Variants in FER1L6 observed in about 807,000 individuals in gnomAD.
FER1L6 encodes the protein fer-1 like family member 6.
A neutral mutation model predicts 219.2 loss-of-function variants in FER1L6; 177 were observed. The ratio of observed to expected loss-of-function variants is 0.81; its 90% CI spans 0.71 to 0.91. The LOEUF (loss-of-function observed/expected upper bound fraction) is 0.91, where lower values mean the gene tolerates loss of function less well. Among genes scored for constraint, FER1L6 ranks in the 40% least tolerant of loss-of-function variants. The pLI is 0.00. For synonymous variants in FER1L6, 768 were observed against 824.3 expected (o/e 0.93, Z 1.17); for missense variants, 2,153 against 2,259.9 (o/e 0.95, Z 0.96).
At chr8:124,002,303 G>A (rs1817447077) in intron 12 of FER1L6, among the ~76,000 whole-genome samples, 1 of 152,204 alleles carries the variant, frequency 6.6e-6, no homozygotes, top group Non-Finnish European at 1.5e-5. Flanking sequence ...CACCACCAAT[G>A]ACTATTGCAG....
chr8:123,912,872 C>T (rs1427351924), intron 1 of FER1L6, among the ~76,000 whole-genome samples: 2 of 152,186 alleles, frequency 1.3e-5, no homozygotes, highest in African/African-American at 4.8e-5. Context: ...GTAAACTTTT[C>T]TGCCAACCAA....
intron 39 of FER1L6, among the ~76,000 whole-genome samples, chr8:124,110,610 C>A (rs192709664): frequency 1.2e-4 from 18 of 152,114 alleles, no homozygotes; most frequent in African/African-American, 4.3e-4. Flanking sequence ...AAAAGCAACC[C>A]GTTAAGAGAT....
intron 1 of FER1L6, among the ~76,000 whole-genome samples, chr8:123,951,566 C>T (rs1307081856): frequency 6.6e-6 from 1 of 152,140 alleles, no homozygotes; most frequent in Non-Finnish European, 1.5e-5. Context: ...GAAGATATTT[C>T]CCGTCAGGCT....
intron 39 of FER1L6, among the ~76,000 whole-genome samples, chr8:124,113,023 T>G (rs544918602): frequency 1.3e-5 from 2 of 152,320 alleles, no homozygotes; most frequent in South Asian, 4.1e-4. Flanking sequence ...TTTAGTTCCC[T>G]TTACATAATA....
At chr8:124,082,667 G>A (rs1821611162) in intron 33 of FER1L6, among the ~76,000 whole-genome samples, 2 of 152,184 alleles carry the variant, frequency 1.3e-5, no homozygotes, top group African/African-American at 2.4e-5. Flanking sequence ...AGGCAGCTCT[G>A]ATTGAGAACC....
At chr8:124,067,935 A>G (rs1037829502) in intron 28 of FER1L6, 129 bp downstream of exon 28, 4 of 725,236 alleles carry the variant, frequency 5.5e-6, no homozygotes, top group Non-Finnish European at 9.5e-6. Context: ...AAACAATCTC[A>G]GGAAGATGAC....
intron 1 of FER1L6, among the ~76,000 whole-genome samples, chr8:123,878,885 A>G (rs554607990): frequency 6.6e-6 from 1 of 152,226 alleles, no homozygotes; most frequent in African/African-American, 2.4e-5. Context: ...GAATGAAACA[A>G]TGTTAATAGA....
chr8:123,968,235 T>G (rs937591457), intron 5 of FER1L6, among the ~76,000 whole-genome samples: 6 of 152,178 alleles, frequency 3.9e-5, no homozygotes, highest in Admixed American at 1.3e-4. Context: ...CTCTACAGAT[T>G]TATTAATTAT....
intron 31 of FER1L6, among the ~76,000 whole-genome samples, chr8:124,074,008 G>C (rs530688312): frequency 2.6e-5 from 4 of 152,154 alleles, no homozygotes; most frequent in Non-Finnish European, 5.9e-5. Context: ...TGAACATACA[G>C]CTTTATAGGC....
chr8:124,050,623 A>T (rs374444215), intron 22 of FER1L6, among the ~76,000 whole-genome samples: 3 of 152,130 alleles, frequency 2.0e-5, no homozygotes, highest in African/African-American at 7.2e-5. Flanking sequence ...ATATAATAGA[A>T]TTCTATAGAC....
intron 35 of FER1L6, 143 bp from the exon 36 acceptor site, chr8:124,097,128 G>GCTAAATATACAT: frequency 2.4e-6 from 1 of 408,976 alleles, no homozygotes; most frequent in South Asian, 5.4e-5. Context: ...CAACAGATAC[G>GCTAAATATACAT]CTAAATATAC....
At chr8:123,921,532 T>C (rs1477331496) in intron 1 of FER1L6, among the ~76,000 whole-genome samples, 1 of 132,560 alleles carries the variant, frequency 7.5e-6, no homozygotes, top group Non-Finnish European at 1.6e-5. Context: ...GCCAGGCTAA[T>C]TTTTGGATTT....
At chr8:124,119,216 G>A (rs1242837633) in intron 40 of FER1L6, among the ~76,000 whole-genome samples, 2 of 152,168 alleles carry the variant, frequency 1.3e-5, no homozygotes, top group African/African-American at 2.4e-5. Context: ...AGAAGACTCC[G>A]TAGTTTCAAA....
At chr8:123,871,411 C>A (rs1042375905) in intron 1 of FER1L6, among the ~76,000 whole-genome samples, 1 of 151,954 alleles carries the variant, frequency 6.6e-6, no homozygotes, top group Non-Finnish European at 1.5e-5. Flanking sequence ...TAAGAGGAAC[C>A]CAGAGTACTT....
chr8:123,950,419 C>G (rs573579153), intron 1 of FER1L6, among the ~76,000 whole-genome samples: 1 of 152,264 alleles, frequency 6.6e-6, no homozygotes, highest in South Asian at 2.1e-4. Context: ...TGGGGCAGTC[C>G]TACAGCCTTG....
intron 1 of FER1L6, among the ~76,000 whole-genome samples, chr8:123,866,463 T>C (rs1261681210): frequency 6.6e-6 from 1 of 152,178 alleles, no homozygotes; most frequent in Non-Finnish European, 1.5e-5. Flanking sequence ...GGAGTGCAGA[T>C]ATATCCTTGG....
intron 1 of FER1L6, among the ~76,000 whole-genome samples, chr8:123,946,994 G>A (rs1814523183): frequency 6.6e-6 from 1 of 151,976 alleles, no homozygotes; most frequent in Admixed American, 6.6e-5. Context: ...TAGAGAAATA[G>A]CCAACCAATA....
At chr8:123,949,401 G>C (rs2130065880) in intron 1 of FER1L6, among the ~76,000 whole-genome samples, 1 of 152,224 alleles carries the variant, frequency 6.6e-6, no homozygotes, top group African/African-American at 2.4e-5. Context: ...CTCTTAGTAA[G>C]TTTAGGAAGT....
In FER1L6 at chr8:123,936,331, C is replaced by T. The variant is rs546152776; in HGVS notation, c.-7-19661C>T. Among the ~76,000 whole-genome samples the T allele has an allele frequency of 1.6e-4, 24 of 152,232 alleles. 1 individual carries two copies. The South Asian group carries it at 2.3e-3, about 14-fold the overall frequency. On this transcript the variant is annotated intron_variant, in intron 1 of 40. Coordinates refer to ENST00000522917, the MANE Select transcript of FER1L6 (RefSeq NM_001039112.2). ...GTATGCAGAGCAGCTGATTCCTCCC[C>T]GACAGTGTGGTGTCCTACTTTTTTA... is the stretch of plus-strand genomic sequence containing the variant.
Sources: allele counts gnomAD v4.1 joint callset (sites outside exome capture counted in the v4.1 genomes callset), GRCh38; gene constraint gnomAD v4.1.1; transcripts MANE v1.5; gene names NCBI Gene and HGNC (gene_info 2026-07-23, HGNC 2026-07-21).